RNASET2: variants seen among roughly 807,000 people sequenced by gnomAD.
RNASET2 encodes ribonuclease T2.
A neutral mutation model predicts 33.9 loss-of-function variants in RNASET2; 28 were observed. That is an observed-to-expected ratio of 0.83 (90% CI 0.61 to 1.13). The LOEUF (loss-of-function observed/expected upper bound fraction) is 1.13. Among genes scored for constraint, RNASET2 ranks in the 50% most tolerant of loss-of-function variants. The pLI is 0.00. For missense variants in RNASET2, 330 were observed against 319.9 expected, an observed-to-expected ratio of 1.03 and a Z score of -0.24; for synonymous variants, 123 against 121.0, an observed-to-expected ratio of 1.02 and a Z score of -0.11.
chr6:166,955,392 C>A (rs1317372674), intron 1 of RNASET2: 9 of 431,722 alleles, frequency 2.1e-5, no homozygotes, highest in Non-Finnish European at 2.4e-5. Flanking sequence ...CACACACACA[C>A]ACGCGCACAC....
intron 3 of RNASET2, 184 bp from the exon 4 acceptor site, chr6:166,946,923 T>G (rs1480495380): frequency 3.0e-6 from 2 of 662,874 alleles, no homozygotes; most frequent in East Asian, 5.6e-5. Context: ...GAGTCAGAGT[T>G]CAAATTTCTT....
chr6:166,955,063 T>C (rs995398098), intron 1 of RNASET2, among the ~76,000 whole-genome samples: 3 of 147,204 alleles, frequency 2.0e-5, no homozygotes, highest in African/African-American at 5.4e-5. Context: ...ACCCGATCAT[T>C]ACCCAAATAG....
chr6:166,944,003 C>T, intron 4 of RNASET2: 1 of 209,842 alleles, frequency 4.8e-6, no homozygotes, highest in Non-Finnish European at 9.9e-6. Flanking sequence ...GCCTGTAATC[C>T]CAGCTACTCA....
chr6:166,934,213 T>A (rs1209606685), intron 6 of RNASET2, 77 bp from the exon 7 acceptor site: 1 of 963,466 alleles, frequency 1.0e-6, no homozygotes, highest in Non-Finnish European at 1.7e-6. Flanking sequence ...GGTATCATAT[T>A]TCATGGTAAA....
Position 166,942,900 on chromosome 6 carries a change from C to T in RNASET2, c.332+119G>A, listed in dbSNP as rs534362118. 2.3e-4 allele frequency: 190 copies of T among 823,016 alleles called. No homozygotes were observed. In the African/African-American group the frequency reaches 2.9e-3, roughly 13 times the overall value. 51.0% of individuals were successfully genotyped at this position (823,016 alleles called of 1,614,324 possible). A position where few individuals can be genotyped will look rare whatever the true frequency, so the allele number is the denominator to read the frequency against. ...ATAAAAGGTTGTTCAAACTGCTCAG[C>T]CCCAGAAGACAGATTCTGTTATCTT... On this transcript the variant is annotated intron_variant, in intron 5 of 8. Coordinates refer to ENST00000508775, the MANE Select transcript of RNASET2 (RefSeq NM_003730.6).
chr6:166,937,224 C>T (rs1317601317), intron 6 of RNASET2, among the ~76,000 whole-genome samples: 1 of 152,180 alleles, frequency 6.6e-6, no homozygotes, highest in Non-Finnish European at 1.5e-5. Context: ...GCAACCTCCA[C>T]CTCCTGGGTT....
In RNASET2 at chr6:166,943,066, T is replaced by C. The variant is rs1778730561; in HGVS notation, c.285A>G (p.Ala95=). 2 of 1,613,468 alleles carry C rather than the reference T, an allele frequency of 1.2e-6. 1 individual carries two copies. The highest frequency in any genetic ancestry group is 1.7e-6 in the Non-Finnish European group (2 of 1,179,640). ...ACGAGTGAATTACGTCAGGCCAGTATGCCCTCATTTCTGGCAAAAGATCCT... is the reference window on the plus strand; with the variant it reads ...ACGAGTGAATTACGTCAGGCCAGTACGCCCTCATTTCTGGCAAAAGATCCT... ...EIKDLLPEMR[A]YWPDVIHSFP... The change falls in exon 5 of 9, where the codon GCA becomes GCG. Residue 95 remains alanine (A), a synonymous_variant. Transcript: ENST00000508775.
intron 2 of RNASET2, among the ~76,000 whole-genome samples, chr6:166,951,517 C>T (rs1778984032): frequency 6.6e-6 from 1 of 152,080 alleles, no homozygotes; most frequent in Non-Finnish European, 1.5e-5. Flanking sequence ...TGGTTGCCTT[C>T]CCAGGCACTG....
intron 6 of RNASET2, among the ~76,000 whole-genome samples, chr6:166,938,158 C>T (rs1261835276): frequency 6.6e-6 from 1 of 152,164 alleles, no homozygotes. Context: ...AGAGGCTGTG[C>T]AATTGCCTGT....
At chr6:166,939,294 T>C (rs1301730814) in intron 5 of RNASET2, among the ~76,000 whole-genome samples, 1 of 152,240 alleles carries the variant, frequency 6.6e-6, no homozygotes, top group Middle Eastern at 3.4e-3. Flanking sequence ...GATCATGCCA[T>C]TGCACTATAG....
At chr6:166,938,718 A>G in intron 6 of RNASET2, 177 bp downstream of exon 6, 1 of 771,762 alleles carries the variant, frequency 1.3e-6, no homozygotes, top group Non-Finnish European at 2.4e-6. Flanking sequence ...ATGATCTGGA[A>G]AGGCTTGGTA....
At chr6:166,952,455 G>A (rs1779008982) in intron 2 of RNASET2, 33 bp downstream of exon 2, 1 of 1,597,456 alleles carries the variant, frequency 6.3e-7, no homozygotes, top group Non-Finnish European at 8.6e-7. Context: ...GGGCTCCCCA[G>A]GCCCCAGGGC....
At chr6:166,952,807 C>T (rs991338600) in intron 1 of RNASET2, 16 of 453,882 alleles carry the variant, frequency 3.5e-5, no homozygotes, top group Non-Finnish European at 4.5e-5. Flanking sequence ...GGAGGGGAAG[C>T]GGAGGCAGGG....
Position 166,923,208 on chromosome 6 carries a change from C to T in RNASET2, c.*6380G>A, listed in dbSNP as rs1208632364. On this transcript the variant is annotated 3_prime_UTR_variant, in exon 9 of 9. Coordinates refer to ENST00000508775, the MANE Select transcript of RNASET2 (RefSeq NM_003730.6). ...CCTCCCAGAGGGCTGGGATTACAGG[C>T]GTGAGCCACCAGGCCCGGCCTTTTT... Among the ~76,000 whole-genome samples the T allele has an allele frequency of 2.1e-5, 3 of 144,206 alleles. No homozygotes were observed. Among genetic ancestry groups the T allele is most frequent in the Admixed American group, 6.8e-5 (1 of 14,618 alleles). 94.6% of individuals were successfully genotyped at this position (144,206 alleles called of 152,430 possible). A position where few individuals can be genotyped will look rare whatever the true frequency, so the allele number is the denominator to read the frequency against.
chr6:166,947,630 G>T (rs1778879399), intron 3 of RNASET2, among the ~76,000 whole-genome samples: 1 of 152,210 alleles, frequency 6.6e-6, no homozygotes, highest in South Asian at 2.1e-4. Flanking sequence ...AGAGACAGGA[G>T]GTCAAGGTTA....
At chr6:166,946,635 A>T in intron 4 of RNASET2, 47 bp downstream of exon 4, 1 of 1,016,776 alleles carries the variant, frequency 9.8e-7, no homozygotes, top group Non-Finnish European at 1.5e-6. Context: ...GAAAAGAGTT[A>T]ATCTAGGTCA....
rs1778281374 is a variant in RNASET2 at position 166,924,911 on chromosome 6, AG to A, written c.*4676del. ...CCTAGAAGAGAGGCGGCTCATAGGA[AG>A]GGTTGAAAAAAGTGTGGAATGAATC... On this transcript the variant is annotated 3_prime_UTR_variant, in exon 9 of 9. Transcript: ENST00000508775. Among the ~76,000 whole-genome samples, 3 of 152,192 alleles carry A rather than the reference AG, an allele frequency of 2.0e-5. No individual in the cohort carries two copies. Among genetic ancestry groups the A allele is most frequent in the Admixed American group, 2.0e-4 (3 of 15,286 alleles).
In RNASET2 at chr6:166,933,571, G is replaced by A. The variant is rs1041042749; in HGVS notation, c.492+520C>T. 1 of 167,274 alleles carries A rather than the reference G, an allele frequency of 6.0e-6. No individual in the cohort carries two copies. The highest frequency in any genetic ancestry group is 1.7e-4 in the East Asian group (1 of 5,918). The allele number at this position is 167,274 out of a possible 1,614,324, so 10.4% of individuals were successfully genotyped here. On this transcript the variant is annotated intron_variant, in intron 7 of 8. Coordinates refer to ENST00000508775, the MANE Select transcript of RNASET2 (RefSeq NM_003730.6). This position sits in a 1 kb window ranked among gnomAD's most constrained non-coding sequence, Gnocchi z 4.1. ...TCACTCTGCTGCCCAGGCTGGTCTCGAAATTCTAGCCACAAGCAATCCTCC... is the reference window on the plus strand; with the variant it reads ...TCACTCTGCTGCCCAGGCTGGTCTCAAAATTCTAGCCACAAGCAATCCTCC...
At position 166,922,660 on chromosome 6, in the gene RNASET2, T is replaced by C. The variant is rs1778251348; in HGVS notation, c.*6928A>G. Among the ~76,000 whole-genome samples the C allele has an allele frequency of 6.6e-6, 1 of 152,246 alleles. No homozygotes were observed. The highest frequency in any genetic ancestry group is 2.4e-5 in the African/African-American group (1 of 41,470). ...AGCATCTTGGTGACTGGCTGAATCT[T>C]GTACATGACTTTTGATGTATGTTGT... is the stretch of plus-strand genomic sequence containing the variant. On this transcript the variant is annotated 3_prime_UTR_variant, in exon 9 of 9. Coordinates refer to ENST00000508775, the MANE Select transcript of RNASET2 (RefSeq NM_003730.6).
Sources: allele counts gnomAD v4.1 joint callset (sites outside exome capture counted in the v4.1 genomes callset), GRCh38; gene constraint gnomAD v4.1.1; non-coding constraint Gnocchi (gnomAD v3.1); transcripts MANE v1.5; gene names NCBI Gene and HGNC (gene_info 2026-07-23, HGNC 2026-07-21).